Variants in FAM193A observed in about 807,000 individuals in gnomAD.
FAM193A encodes protein FAM193A.
FAM193A carries 22 observed loss-of-function variants against 126.5 expected under a neutral mutation model. That is an observed-to-expected ratio of 0.17 (90% CI 0.12 to 0.25). The LOEUF is 0.25. Among genes scored for constraint, FAM193A ranks in the 10% least tolerant of loss-of-function variants. FAM193A has a pLI of 1.00. For missense variants in FAM193A, 1,675 were observed against 1,672.8 expected, an observed-to-expected ratio of 1.00 and a Z score of -0.02; for synonymous variants, 761 against 646.8, an observed-to-expected ratio of 1.18 and a Z score of -2.68.
At chr4:2,624,312 T>C (rs1742752767) in intron 2 of FAM193A, among the ~76,000 whole-genome samples, 1 of 152,158 alleles carries the variant, frequency 6.6e-6, no homozygotes, top group Non-Finnish European at 1.5e-5. Flanking sequence ...GCCTGGCTAA[T>C]TTTTGTGTAT....
chr4:2,582,390 C>G (rs1031654043), intron 1 of FAM193A, among the ~76,000 whole-genome samples: 24 of 152,154 alleles, frequency 1.6e-4, no homozygotes, highest in African/African-American at 5.8e-4. Flanking sequence ...ATCCTCTCAC[C>G]CCAACAAGTG....
chr4:2,672,405 C>G lies in FAM193A; in HGVS notation c.2331+33C>G, dbSNP rs1472365815. 1.9e-6 allele frequency: 3 copies of G among 1,610,568 alleles called. No homozygotes were observed. The Admixed American group carries it at 5.0e-5, about 27-fold the overall frequency. ...AGGGCAAAAAGGGTCTGAAAGCTCA[C>G]TCTTCACTGAGATCCTACAGGAGTA... is the stretch of plus-strand genomic sequence containing the variant. On this transcript the variant is annotated intron_variant, in intron 13 of 20. Transcript: ENST00000637812.
At chr4:2,622,213 C>T (rs1243781641) in intron 2 of FAM193A, among the ~76,000 whole-genome samples, 2 of 140,978 alleles carry the variant, frequency 1.4e-5, no homozygotes, top group Admixed American at 7.8e-5. Context: ...GCTGAGATTG[C>T]ACCACTGCAC....
At chr4:2,549,587 G>A (rs1462443562) in intron 1 of FAM193A, among the ~76,000 whole-genome samples, 3 of 149,820 alleles carry the variant, frequency 2.0e-5, no homozygotes, top group Non-Finnish European at 3.0e-5. Flanking sequence ...TAGTAGAGAC[G>A]GGGTTTCACC....
At chr4:2,721,807 A>T (rs1467290598) in intron 20 of FAM193A, among the ~76,000 whole-genome samples, 1 of 152,190 alleles carries the variant, frequency 6.6e-6, no homozygotes, top group Non-Finnish European at 1.5e-5. Context: ...GCACGACTAG[A>T]GGTTCTCCTG....
In FAM193A at chr4:2,695,021, A is replaced by G. The variant is rs139970994; in HGVS notation, c.3168A>G (p.Ala1056=). 2.9e-5 allele frequency: 47 copies of G among 1,610,536 alleles called. No homozygotes were observed. The African/African-American group carries it at 5.9e-4, about 20-fold the overall frequency. ...DPQQDDGDES[A]DEDSCSEHSS... ...AGCAGGATGATGGGGACGAGAGTGC[A>G]GATGAGGACAGCTGCTCTGAGCACA... Residue 1056 remains alanine, a synonymous_variant, in exon 17 of 21, where the codon GCA becomes GCG. Coordinates refer to ENST00000637812, the MANE Select transcript of FAM193A (RefSeq NM_001366318.2).
chr4:2,683,535 C>T (rs1422251160), intron 13 of FAM193A, among the ~76,000 whole-genome samples: 1 of 152,218 alleles, frequency 6.6e-6, no homozygotes, highest in African/African-American at 2.4e-5. Context: ...CTCAGGTGAT[C>T]GCCTGCCTTG....
At chr4:2,695,922 T>C (rs1466223693) in intron 17 of FAM193A, among the ~76,000 whole-genome samples, 1 of 152,170 alleles carries the variant, frequency 6.6e-6, no homozygotes, top group East Asian at 1.9e-4. Context: ...GAAAATTAGC[T>C]GAGTGTGACA....
intron 2 of FAM193A, among the ~76,000 whole-genome samples, chr4:2,601,247 T>C (rs1456635728): frequency 3.4e-5 from 5 of 145,216 alleles, no homozygotes; most frequent in East Asian, 3.9e-4. Context: ...TTTTTTTTTT[T>C]CCTGAGATGG....
chr4:2,725,672 T>C (rs1720664044), intron 20 of FAM193A, among the ~76,000 whole-genome samples: 1 of 151,622 alleles, frequency 6.6e-6, no homozygotes, highest in African/African-American at 2.4e-5. Flanking sequence ...AGCCAATCAC[T>C]ATCAATATAA....
At chr4:2,566,417 C>T (rs1000055890) in intron 1 of FAM193A, among the ~76,000 whole-genome samples, 36 of 152,018 alleles carry the variant, frequency 2.4e-4, no homozygotes, top group African/African-American at 8.7e-4. Flanking sequence ...AGGCCAGTTG[C>T]GGTGGCTCAC....
At chr4:2,650,915 C>G (rs1226171296) in intron 7 of FAM193A, among the ~76,000 whole-genome samples, 4 of 152,176 alleles carry the variant, frequency 2.6e-5, no homozygotes, top group African/African-American at 7.2e-5. Flanking sequence ...CCTCCACAGT[C>G]TTGTTAGTGT....
At chr4:2,657,642 C>A in intron 7 of FAM193A, among the ~76,000 whole-genome samples, 161 bp from the exon 8 acceptor site, 1 of 152,088 alleles carries the variant, frequency 6.6e-6, no homozygotes, top group East Asian at 1.9e-4. Flanking sequence ...TAAAGAAATA[C>A]CTGTTAACAT....
At chr4:2,652,314 C>T (rs1745748777) in intron 7 of FAM193A, among the ~76,000 whole-genome samples, 2 of 152,222 alleles carry the variant, frequency 1.3e-5, no homozygotes, top group African/African-American at 4.8e-5. Context: ...ACCTCCCTTT[C>T]TCCTGCATTT....
In FAM193A at chr4:2,537,084, G is replaced by C. The variant is rs1372388623; in HGVS notation, c.169G>C (p.Gly57Arg). 1 of 147,904 alleles carries C rather than the reference G, an allele frequency of 6.8e-6. No individual in the cohort carries two copies. Among genetic ancestry groups the C allele is most frequent in the Non-Finnish European group, 1.5e-5 (1 of 66,576 alleles). The allele number at this position is 147,904 out of a possible 1,614,324, so 9.2% of individuals were successfully genotyped here. A position where few individuals can be genotyped will look rare whatever the true frequency, so the allele number is the denominator to read the frequency against. The change falls in exon 1 of 21, where the codon GGC becomes CGC. Residue 57 changes from glycine (G) to arginine (R), a missense_variant. Physicochemically the swap from Gly to Arg is moderately radical, Grantham distance 125. Coordinates refer to ENST00000637812, the MANE Select transcript of FAM193A (RefSeq NM_001366318.2). ...AGLAAPGSAA[G>R]LVGGAAAANG... ...CCTGGCGGCCCCGGGCAGCGCGGCA[G>C]GCCTGGTGGGCGGCGCGGCGGCGGC...
chr4:2,704,529 CA>C (rs141191374), intron 19 of FAM193A, among the ~76,000 whole-genome samples: 4,627 of 151,988 alleles, frequency 0.03, 215 homozygotes, highest in African/African-American at 0.11. Flanking sequence ...CACGCCACTG[CA>C]TTCCAGTCTG....
chr4:2,617,240 T>TTTTTTA (rs377206444), intron 2 of FAM193A, among the ~76,000 whole-genome samples: 2 of 35,242 alleles, frequency 5.7e-5, no homozygotes, highest in African/African-American at 5.4e-4. Flanking sequence ...TATGTTTTTA[T>TTTTTTA]TATATATATA....
intron 7 of FAM193A, among the ~76,000 whole-genome samples, chr4:2,651,410 C>G (rs1163880313): frequency 6.6e-6 from 1 of 152,174 alleles, no homozygotes; most frequent in African/African-American, 2.4e-5. Flanking sequence ...ATTCACAGTT[C>G]CGCATGGCTG....
rs185397576 is a variant in FAM193A at position 2,695,567 on chromosome 4, T to C, written c.3276+438T>C. On this transcript the variant is annotated intron_variant, in intron 17 of 20. Coordinates refer to ENST00000637812, the MANE Select transcript of FAM193A (RefSeq NM_001366318.2). ...ATTATCACCCACTGTTTAAGAGGGATGGGTGACAGGAATAGCAGGGGCTTA... is the reference window on the plus strand; with the variant it reads ...ATTATCACCCACTGTTTAAGAGGGACGGGTGACAGGAATAGCAGGGGCTTA... Among the ~76,000 whole-genome samples, 284 of 152,342 alleles carry C rather than the reference T, an allele frequency of 1.9e-3. 9 individuals carry two copies. In the East Asian group the frequency reaches 0.046, roughly 25 times the overall value.
Sources: gnomAD v4.1 joint callset for allele counts (sites outside exome capture counted in the v4.1 genomes callset) on GRCh38, gnomAD v4.1.1 for gene constraint, MANE v1.5 for transcripts, NCBI Gene and HGNC (gene_info 2026-07-23, HGNC 2026-07-21) for gene names.